ATE1: variants seen among roughly 807,000 people sequenced by gnomAD.
ATE1 encodes arginyltransferase 1, also known as arginyl-tRNA--protein transferase 1.
A neutral mutation model predicts 70.5 loss-of-function variants in ATE1; 36 were observed. The observed-to-expected ratio is 0.51, with a 90% CI of 0.39 to 0.67. The LOEUF (loss-of-function observed/expected upper bound fraction) is 0.67, where lower values mean the gene tolerates loss of function less well. ATE1 is among the 30% of genes least tolerant of loss of function. The probability of loss-of-function intolerance (pLI) is 0.00; values close to 1 mark genes in which losing one functional copy is unlikely to be tolerated. For synonymous variants in ATE1, 232 were observed against 219.3 expected, an observed-to-expected ratio of 1.06 and a Z score of -0.51; for missense variants, 593 against 629.5, an observed-to-expected ratio of 0.94 and a Z score of 0.62.
chr10:121,834,035 A>T (rs1420002347), intron 10 of ATE1, among the ~76,000 whole-genome samples: 3 of 152,164 alleles, frequency 2.0e-5, no homozygotes, highest in African/African-American at 4.8e-5. Context: ...ACTCCAGTCA[A>T]AACTGACGAC....
chr10:121,854,379 T>C (rs1246841816), intron 8 of ATE1, among the ~76,000 whole-genome samples: 2 of 152,240 alleles, frequency 1.3e-5, no homozygotes, highest in Non-Finnish European at 2.9e-5. Flanking sequence ...GTTTGTCCTC[T>C]ATTTGCATGA....
At chr10:121,744,756 G>A (rs1056518874) in intron 11 of ATE1, among the ~76,000 whole-genome samples, 1 of 152,136 alleles carries the variant, frequency 6.6e-6, no homozygotes, top group Non-Finnish European at 1.5e-5. Flanking sequence ...TTTCTTCAGG[G>A]TACACAGGTC....
At chr10:121,902,317 CAAATAA>C in intron 6 of ATE1, 68 bp downstream of exon 6, 2 of 1,337,418 alleles carry the variant, frequency 1.5e-6, no homozygotes, top group Non-Finnish European at 2.1e-6. Context: ...ATTAGAACTT[CAAATAA>C]AAATAAACGA....
intron 11 of ATE1, among the ~76,000 whole-genome samples, chr10:121,776,816 TGA>T (rs768989345): frequency 1.3e-5 from 2 of 152,230 alleles, no homozygotes; most frequent in Non-Finnish European, 2.9e-5. Flanking sequence ...GGACTACAGT[TGA>T]GAGTTTGGAA....
chr10:121,869,427 C>A (rs1949775090), intron 8 of ATE1, among the ~76,000 whole-genome samples: 1 of 152,178 alleles, frequency 6.6e-6, no homozygotes, highest in Non-Finnish European at 1.5e-5. Flanking sequence ...AATAGTTTTT[C>A]TTTATCTCAC....
intron 11 of ATE1, among the ~76,000 whole-genome samples, chr10:121,767,254 T>TA (rs372143978): frequency 4.6e-5 from 7 of 152,018 alleles, no homozygotes; most frequent in East Asian, 1.9e-4. Flanking sequence ...TTCAACTTGA[T>TA]AAAAAAACAT....
At chr10:121,877,082 A>C (rs1950078746) in intron 7 of ATE1, among the ~76,000 whole-genome samples, 1 of 152,168 alleles carries the variant, frequency 6.6e-6, no homozygotes, top group Non-Finnish European at 1.5e-5. Flanking sequence ...AAAATCATCA[A>C]ACAGAACACC....
At chr10:121,795,267 A>T (rs1029363424) in intron 10 of ATE1, among the ~76,000 whole-genome samples, 26 of 152,252 alleles carry the variant, frequency 1.7e-4, no homozygotes, top group Non-Finnish European at 3.2e-4. Flanking sequence ...AAAAATAAAA[A>T]TTTTTTAAAA....
intron 10 of ATE1, among the ~76,000 whole-genome samples, chr10:121,831,362 T>G (rs941362957): frequency 7.9e-5 from 12 of 152,200 alleles, no homozygotes; most frequent in Admixed American, 5.2e-4. Flanking sequence ...ATATTTATAT[T>G]TACACTGTTA....
At chr10:121,804,423 C>A (rs1239109800) in intron 10 of ATE1, among the ~76,000 whole-genome samples, 1 of 152,128 alleles carries the variant, frequency 6.6e-6, no homozygotes, top group Admixed American at 6.5e-5. Context: ...ACCGAAATAG[C>A]ATAATTATCA....
At chr10:121,907,263 T>C (rs1234682932) in intron 5 of ATE1, among the ~76,000 whole-genome samples, 8 of 151,860 alleles carry the variant, frequency 5.3e-5, no homozygotes, top group African/African-American at 1.7e-4. Context: ...GAGACCAGCC[T>C]GGCCAACATG....
At chr10:121,781,737 G>T (rs1215889225) in intron 11 of ATE1, among the ~76,000 whole-genome samples, 1 of 152,202 alleles carries the variant, frequency 6.6e-6, no homozygotes, top group South Asian at 2.1e-4. Flanking sequence ...TCTGACAGGG[G>T]TTAGTAAAGC....
chr10:121,805,520 A>C (rs12777449), intron 10 of ATE1, among the ~76,000 whole-genome samples: 25,043 of 152,156 alleles, frequency 0.16, 2,657 homozygotes, highest in Middle Eastern at 0.24. Context: ...CTGTACATAC[A>C]TACAATAAAG....
chr10:121,928,355 G>A (rs1398679880), upstream of ATE1: 35 of 1,532,438 alleles, frequency 2.3e-5, no homozygotes, highest in Non-Finnish European at 2.8e-5. Flanking sequence ...ACCGCAGGAC[G>A]CTTTGCCCTC....
intron 11 of ATE1, among the ~76,000 whole-genome samples, chr10:121,754,359 G>A (rs1336559515): frequency 6.6e-6 from 1 of 152,142 alleles, no homozygotes; most frequent in Non-Finnish European, 1.5e-5. Flanking sequence ...AATATTTTGT[G>A]CCAGAAAGGA....
At position 121,902,140 on chromosome 10, in the gene ATE1, A is replaced by C. The variant is rs148383112; in HGVS notation, c.813+251T>G. On this transcript the variant is annotated intron_variant, in intron 6 of 11. Coordinates refer to ENST00000224652, the MANE Select transcript of ATE1 (RefSeq NM_001001976.3). The stretch of plus-strand genomic sequence containing the variant: ...ATCAAGGTAGCATGCTAAAATTGAC[A>C]CTGTTTTCACAAGTTTGGTGGCCAA... 3.4e-3 allele frequency among the ~76,000 whole-genome samples: 524 copies of C among 152,302 alleles called. 2 individuals are homozygous for C. Among genetic ancestry groups the C allele is most frequent in the African/African-American group, 0.012 (501 of 41,574 alleles).
intron 3 of ATE1, among the ~76,000 whole-genome samples, chr10:121,915,642 C>T (rs2134494464): frequency 6.6e-6 from 1 of 152,228 alleles, no homozygotes; most frequent in African/African-American, 2.4e-5. Flanking sequence ...GTAATCCCAG[C>T]ACTTTGGGAG....
chr10:121,767,974 T>C (rs1945345922), intron 11 of ATE1, among the ~76,000 whole-genome samples: 2 of 152,180 alleles, frequency 1.3e-5, no homozygotes, highest in South Asian at 2.1e-4. Flanking sequence ...AGCAACCCAA[T>C]GGATGAACTG....
rs1952033214 is a variant in ATE1 at position 121,925,074 on chromosome 10, G to A, written c.107-745C>T. Among the ~76,000 whole-genome samples, 3 of 152,298 alleles carry A rather than the reference G, an allele frequency of 2.0e-5. 1 individual carries two copies. The South Asian group carries it at 6.2e-4, about 32-fold the overall frequency. The stretch of plus-strand genomic sequence containing the variant: ...GTATATATTTACAGTACAGTCTTGA[G>A]CATCAAAAATTGGAGAAAAGTATGT... On this transcript the variant is annotated intron_variant, in intron 1 of 11. Transcript: ENST00000224652.
Sources: gnomAD v4.1 joint callset for allele counts (sites outside exome capture counted in the v4.1 genomes callset) on GRCh38, gnomAD v4.1.1 for gene constraint, MANE v1.5 for transcripts, NCBI Gene and HGNC (gene_info 2026-07-23, HGNC 2026-07-21) for gene names.